Variants in PTBP3 observed in about 807,000 individuals in gnomAD.
The protein encoded by PTBP3 is polypyrimidine tract-binding protein 3.
Under a neutral mutation model 58.7 loss-of-function variants are expected in PTBP3, and 20 were observed. The ratio of observed to expected loss-of-function variants is 0.34; its 90% CI spans 0.24 to 0.50. The LOEUF is 0.50. Ranked by LOEUF, PTBP3 falls within the 20% of genes least tolerant of loss-of-function variation. The probability of loss-of-function intolerance (pLI) is 0.98; values close to 1 mark genes in which losing one functional copy is unlikely to be tolerated. For missense variants in PTBP3, 509 were observed against 637.2 expected, an observed-to-expected ratio of 0.80 and a Z score of 2.17; for synonymous variants, 185 against 219.8, an observed-to-expected ratio of 0.84 and a Z score of 1.40.
chr9:112,371,806 C>T, the PTBP3 span, among the ~76,000 whole-genome samples: 1 of 151,924 alleles, frequency 6.6e-6, no homozygotes, highest in Non-Finnish European at 1.5e-5. Context: ...TGATCATGGC[C>T]CACTGCAGCC....
At chr9:112,300,668 C>T (rs940204688) in intron 1 of PTBP3, among the ~76,000 whole-genome samples, 1 of 152,008 alleles carries the variant, frequency 6.6e-6, no homozygotes, top group Non-Finnish European at 1.5e-5. Context: ...AGGAGAATGG[C>T]GTGAACCCGG....
At chr9:112,266,746 T>C (rs1037399686) in intron 4 of PTBP3, among the ~76,000 whole-genome samples, 7 of 152,230 alleles carry the variant, frequency 4.6e-5, no homozygotes, top group African/African-American at 1.7e-4. Flanking sequence ...AAATTAGATA[T>C]ATAGACATCT....
At chr9:112,346,432 G>T in the PTBP3 span, among the ~76,000 whole-genome samples, 8 of 152,302 alleles carry the variant, frequency 5.3e-5, no homozygotes, top group African/African-American at 1.9e-4. Context: ...CTCCCAAGGT[G>T]CTGGGATTAC....
At position 112,262,500 on chromosome 9, in the gene PTBP3, T is replaced by C; in HGVS notation, c.451A>G (p.Ser151Gly). 1 of 1,611,678 alleles carries C rather than the reference T, an allele frequency of 6.2e-7. No homozygotes were observed. The highest frequency in any genetic ancestry group is 8.5e-7 in the Non-Finnish European group (1 of 1,179,172). ...SNEGTVLPGQSPVLRIIIENL... is the reference protein window; with the variant it reads ...SNEGTVLPGQGPVLRIIIENL... ...TCAATAATTATTCGAAGCACAGGGC[T>C]CTGCCCAGGTAGGACTGTGCCTTCA... is the stretch of plus-strand genomic sequence containing the variant. The change falls in exon 5 of 14, where the codon AGC becomes GGC. Residue 151 changes from serine to glycine, a missense_variant. Ser to Gly is a moderately conservative substitution (Grantham distance 56, BLOSUM62 0). Transcript: ENST00000374257.
chr9:112,222,614 C>T lies in PTBP3; in HGVS notation c.*1237G>A. On this transcript the variant is annotated 3_prime_UTR_variant, in exon 14 of 14. Transcript: ENST00000374257. The stretch of plus-strand genomic sequence containing the variant: ...ACCCTTCCCCACACCGTCTCTGCAC[C>T]AAGCACCAAAAATTTGATAAAAACT... The T allele has an allele frequency of 1.0e-6, 1 of 985,752 alleles. No individual in the cohort carries two copies. Among genetic ancestry groups the T allele is most frequent in the Non-Finnish European group, 1.2e-6 (1 of 829,906 alleles). The allele number at this position is 985,752 out of a possible 1,614,324, so 61.1% of individuals were successfully genotyped here.
rs1836186944 is a variant in PTBP3, at chr9:112,252,865, C to T, written c.517-77G>A. 2.6e-5 allele frequency: 22 copies of T among 856,564 alleles called. No homozygotes were observed. In the South Asian group the frequency reaches 3.6e-4, roughly 14 times the overall value. The allele number at this position is 856,564 out of a possible 1,614,324, so 53.1% of individuals were successfully genotyped here. A position where few individuals can be genotyped will look rare whatever the true frequency, so the allele number is the denominator to read the frequency against. ...TGTATCTTTATAAATACAACTTGTTCATAAATCCTTTTAAATGAAAATTTT... is the reference window on the plus strand; with the variant it reads ...TGTATCTTTATAAATACAACTTGTTTATAAATCCTTTTAAATGAAAATTTT... On this transcript the variant is annotated intron_variant, in intron 5 of 13. Transcript: ENST00000374257.
At chr9:112,261,127 A>G (rs1451515748) in intron 5 of PTBP3, among the ~76,000 whole-genome samples, 1 of 152,240 alleles carries the variant, frequency 6.6e-6, no homozygotes, top group Non-Finnish European at 1.5e-5. Context: ...CGGGATAAAC[A>G]GAAGAGAAGA....
the PTBP3 span, chr9:112,363,222 TC>T: frequency 6.5e-6 from 1 of 152,880 alleles, no homozygotes; most frequent in Non-Finnish European, 1.5e-5. Context: ...CCAAACTCAT[TC>T]TTTTATGAAT....
At chr9:112,308,007 A>G (rs1450564501) in intron 1 of PTBP3, among the ~76,000 whole-genome samples, 5 of 152,230 alleles carry the variant, frequency 3.3e-5, no homozygotes, top group Non-Finnish European at 7.3e-5. Context: ...TATGTGTGGC[A>G]TAAGACAATT....
At chr9:112,229,713 T>C (rs919562589) in intron 10 of PTBP3, among the ~76,000 whole-genome samples, 5 of 152,140 alleles carry the variant, frequency 3.3e-5, no homozygotes, top group Non-Finnish European at 5.9e-5. Context: ...AAACTAAACA[T>C]ATACCATTTG....
Position 112,230,192 on chromosome 9 carries a change from G to T in PTBP3, c.1054+1188C>A, listed in dbSNP as rs183018263. Reference sequence around the variant, plus strand: ...AAAAAACCTATCAGCCTGGTGTTGTGGCTTGCACTTATAATCCCAGCTACT... The same window carrying T: ...AAAAAACCTATCAGCCTGGTGTTGTTGCTTGCACTTATAATCCCAGCTACT... On this transcript the variant is annotated intron_variant, in intron 10 of 13. Coordinates refer to ENST00000374257, the MANE Select transcript of PTBP3 (RefSeq NM_001163788.4). Among the ~76,000 whole-genome samples, 189 of 152,120 alleles carry T rather than the reference G, an allele frequency of 1.2e-3. 2 individuals are homozygous for T. The highest frequency in any genetic ancestry group is 2.2e-4 in the Non-Finnish European group (15 of 68,014).
At chr9:112,348,975 T>C in the PTBP3 span, among the ~76,000 whole-genome samples, 2 of 152,232 alleles carry the variant, frequency 1.3e-5, no homozygotes, top group African/African-American at 4.8e-5. Flanking sequence ...GGTGTTGTGG[T>C]ATAAGAAATA....
chr9:112,230,091 T>C (rs1286525273), intron 10 of PTBP3, among the ~76,000 whole-genome samples: 2 of 152,168 alleles, frequency 1.3e-5, no homozygotes, highest in African/African-American at 4.8e-5. Context: ...ACTGTGAATT[T>C]ACAAAAATCT....
intron 1 of PTBP3, among the ~76,000 whole-genome samples, chr9:112,315,033 G>A (rs1277185640): frequency 1.3e-5 from 2 of 151,848 alleles, no homozygotes; most frequent in African/African-American, 2.4e-5. Flanking sequence ...GAGTGTCACC[G>A]TGTTAGCCAG....
intron 1 of PTBP3, among the ~76,000 whole-genome samples, chr9:112,302,232 A>G (rs1347143265): frequency 6.6e-6 from 1 of 152,214 alleles, no homozygotes; most frequent in Non-Finnish European, 1.5e-5. Flanking sequence ...CTCTACAACA[A>G]AACTATAAAG....
the PTBP3 span, among the ~76,000 whole-genome samples, chr9:112,379,083 G>A: frequency 6.6e-6 from 1 of 152,176 alleles, no homozygotes; most frequent in African/African-American, 2.4e-5. Flanking sequence ...CAGCTACTCC[G>A]GAGGCTGAGG....
chr9:112,308,888 T>C (rs1471052341), intron 1 of PTBP3, among the ~76,000 whole-genome samples: 1 of 152,166 alleles, frequency 6.6e-6, no homozygotes, highest in Non-Finnish European at 1.5e-5. Flanking sequence ...CAAGTATCAA[T>C]TACTGAAGCT....
At chr9:112,378,636 C>T in the PTBP3 span, among the ~76,000 whole-genome samples, 1,326 of 152,322 alleles carry the variant, frequency 8.7e-3, 21 homozygotes, top group African/African-American at 0.03. Flanking sequence ...CAGTCTCTAT[C>T]AACACTCTTC....
intron 5 of PTBP3, among the ~76,000 whole-genome samples, chr9:112,257,475 A>G (rs551451245): frequency 2.9e-4 from 44 of 152,298 alleles, no homozygotes; most frequent in African/African-American, 1.0e-3. Flanking sequence ...AAAAATATGG[A>G]CAAATACTCA....
Sources: gnomAD v4.1 joint callset for allele counts (sites outside exome capture counted in the v4.1 genomes callset) on GRCh38, gnomAD v4.1.1 for gene constraint, MANE v1.5 for transcripts, NCBI Gene and HGNC (gene_info 2026-07-23, HGNC 2026-07-21) for gene names.